The following NHSL2 variants were observed in gnomAD, a reference collection of about 807,000 sequenced individuals.
The protein encoded by NHSL2 is NHS like 2, also known as NHS-like protein 2.
Under a neutral mutation model 53.4 loss-of-function variants are expected in NHSL2, and 27 were observed. The observed-to-expected ratio is 0.51, with a 90% CI of 0.37 to 0.70. The LOEUF is 0.70. Ranked by LOEUF, NHSL2 falls within the 30% of genes least tolerant of loss-of-function variation. The pLI is 0.00. For synonymous variants in NHSL2, 408 were observed against 404.1 expected, an observed-to-expected ratio of 1.01 and a Z score of -0.12; for missense variants, 892 against 980.1, an observed-to-expected ratio of 0.91 and a Z score of 1.20.
Position 71,929,702 on chromosome X carries a change from T to C in NHSL2, c.280+18335T>C, listed in dbSNP as rs537070280. Among the ~76,000 whole-genome samples, 5 of 111,562 alleles carry C rather than the reference T, an allele frequency of 4.5e-5. No homozygotes were observed. In the East Asian group the frequency reaches 8.4e-4, roughly 19 times the overall value. On this transcript the variant is annotated intron_variant, in intron 1 of 7. Transcript: ENST00000633930. ...TGTAGTGTGCATGGATGGTTTTCAT[T>C]AGTGCAACTCACTGAGTAGTTCTGG...
At chrX:71,964,720 G>A (rs1266102775) in intron 1 of NHSL2, among the ~76,000 whole-genome samples, 1 of 112,014 alleles carries the variant, frequency 8.9e-6, no homozygotes, top group Non-Finnish European at 1.9e-5. Flanking sequence ...AGTTAAGCCT[G>A]TATCTCCAAT....
intron 1 of NHSL2, among the ~76,000 whole-genome samples, chrX:72,097,282 G>A (rs747812402): frequency 1.8e-5 from 2 of 111,901 alleles, no homozygotes; most frequent in East Asian, 2.8e-4. Context: ...ACACTTAACC[G>A]CAGTTAACTA....
rs752480626 is a variant in NHSL2 at position 72,114,191 on chromosome X, T to A, written c.281-17888T>A. Among the ~76,000 whole-genome samples the A allele has an allele frequency of 1.2e-4, 13 of 112,489 alleles. No homozygotes were observed. The East Asian group carries it at 2.2e-3, about 19-fold the overall frequency. On this transcript the variant is annotated intron_variant, in intron 1 of 7. Transcript: ENST00000633930. ...ATGTTCTTTCCCTCTTTCTGTTTGT[T>A]TGTACGTTCTGATTTTTAACTATGT...
chrX:72,009,148 C>T (rs1050429676), intron 1 of NHSL2, among the ~76,000 whole-genome samples: 1 of 112,200 alleles, frequency 8.9e-6, no homozygotes, highest in African/African-American at 3.2e-5. Context: ...GAATGCTTTT[C>T]CCCAGTATAT....
chrX:71,911,975 G>C (rs1672877492), intron 1 of NHSL2, among the ~76,000 whole-genome samples: 1 of 112,048 alleles, frequency 8.9e-6, no homozygotes, highest in Admixed American at 9.4e-5. Flanking sequence ...GGGCCGCTGT[G>C]CTGGGGAGTG....
At chrX:72,130,022 T>C (rs1429186512) in intron 1 of NHSL2, 1 of 1,209,378 alleles carries the variant, frequency 8.3e-7, no homozygotes, top group African/African-American at 1.8e-5. Context: ...TTCTGGTTCC[T>C]CCGTCTGCTA....
intron 1 of NHSL2, among the ~76,000 whole-genome samples, chrX:72,083,095 CAA>C (rs1428312142): frequency 4.5e-5 from 5 of 112,208 alleles, no homozygotes; most frequent in Non-Finnish European, 7.5e-5. Flanking sequence ...CCTTCTGATT[CAA>C]AGAGTCTAGG....
chrX:72,069,740 G>T, intron 1 of NHSL2: 1 of 921,486 alleles, frequency 1.1e-6, no homozygotes, highest in Non-Finnish European at 1.4e-6. Context: ...AAAGCAGGAT[G>T]CATTCAGCAA....
intron 1 of NHSL2, among the ~76,000 whole-genome samples, chrX:72,110,749 A>C (rs1396367921): frequency 5.6e-5 from 4 of 71,110 alleles, no homozygotes; most frequent in East Asian, 3.2e-4. Flanking sequence ...AAAAAAAAAA[A>C]AAACCCAAAG....
At chrX:72,130,263 T>C in intron 1 of NHSL2, 7 of 1,205,615 alleles carry the variant, frequency 5.8e-6, no homozygotes, top group Non-Finnish European at 7.9e-6. Context: ...CATCCTCATC[T>C]TCATCTTCTT....
At chrX:72,034,015 G>A (rs2042228932) in intron 1 of NHSL2, among the ~76,000 whole-genome samples, 1 of 112,078 alleles carries the variant, frequency 8.9e-6, no homozygotes, top group Non-Finnish European at 1.9e-5. Flanking sequence ...AATGTTAGCT[G>A]TAGGGTTTTG....
chrX:71,989,616 G>C (rs1259263954), intron 1 of NHSL2, among the ~76,000 whole-genome samples: 1 of 111,659 alleles, frequency 9.0e-6, no homozygotes, highest in East Asian at 2.8e-4. Flanking sequence ...TTCAACTTCA[G>C]TTTCATCTGC....
intron 1 of NHSL2, among the ~76,000 whole-genome samples, chrX:72,102,119 A>G (rs1211180155): frequency 8.9e-6 from 1 of 112,416 alleles, no homozygotes; most frequent in Non-Finnish European, 1.9e-5. Context: ...GGACGGATAA[A>G]TGCATGGGTG....
intron 1 of NHSL2, chrX:72,044,451 C>G (rs768582855): frequency 1.3e-5 from 6 of 449,096 alleles, no homozygotes; most frequent in African/African-American, 2.5e-5. Flanking sequence ...AGGTGGCCCC[C>G]ATTCCTCTAC....
chrX:72,115,566 G>A (rs1190861137), intron 1 of NHSL2, among the ~76,000 whole-genome samples: 3 of 110,987 alleles, frequency 2.7e-5, no homozygotes, highest in Admixed American at 9.5e-5. Flanking sequence ...ATTCAGCAGC[G>A]GCCAGGGCAG....
chrX:72,010,907 T>C (rs936512556), intron 1 of NHSL2, among the ~76,000 whole-genome samples: 2 of 112,064 alleles, frequency 1.8e-5, no homozygotes, highest in Non-Finnish European at 3.8e-5. Context: ...CATCCTATCA[T>C]AGCCACGCCT....
At position 72,041,238 on chromosome X, in the gene NHSL2, G is replaced by C. The variant is rs1460753748; in HGVS notation, c.281-90841G>C. ...TCAGCTGAAGGCTAAGAGGGCCCAGGAAGTTAACATAAGTGAGTGAAGCAG... is the reference window on the plus strand; with the variant it reads ...TCAGCTGAAGGCTAAGAGGGCCCAGCAAGTTAACATAAGTGAGTGAAGCAG... On this transcript the variant is annotated intron_variant, in intron 1 of 7. Coordinates refer to ENST00000633930, the MANE Select transcript of NHSL2 (RefSeq NM_001013627.3). 4.5e-5 allele frequency among the ~76,000 whole-genome samples: 5 copies of C among 111,882 alleles called. No individual in the cohort carries two copies. The Admixed American group carries it at 4.7e-4, about 11-fold the overall frequency.
At chrX:72,078,387 C>T (rs1227749165) in intron 1 of NHSL2, among the ~76,000 whole-genome samples, 3 of 112,400 alleles carry the variant, frequency 2.7e-5, no homozygotes, top group East Asian at 2.8e-4. Flanking sequence ...TTAATTGGTC[C>T]GAAGTGAAGT....
At chrX:72,119,469 A>T (rs1272550169) in intron 1 of NHSL2, among the ~76,000 whole-genome samples, 1 of 112,009 alleles carries the variant, frequency 8.9e-6, no homozygotes, top group Non-Finnish European at 1.9e-5. Flanking sequence ...TACAAGTTTC[A>T]CGCCATGTTT....
Sources: gnomAD v4.1 joint callset for allele counts (sites outside exome capture counted in the v4.1 genomes callset) on GRCh38, gnomAD v4.1.1 for gene constraint, MANE v1.5 for transcripts, NCBI Gene and HGNC (gene_info 2026-07-23, HGNC 2026-07-21) for gene names.